RYR2: variants seen among roughly 807,000 people sequenced by gnomAD.
RYR2 encodes the protein cardiac muscle ryanodine receptor-calcium release channel.
Under a neutral mutation model 601.1 loss-of-function variants are expected in RYR2, and 227 were observed. That is an observed-to-expected ratio of 0.38 (90% CI 0.34 to 0.42). RYR2 has a LOEUF of 0.42. Ranked by LOEUF, RYR2 falls within the 10% of genes least tolerant of loss-of-function variation. The pLI is 1.00. For synonymous variants in RYR2, 2,223 were observed against 2,175.1 expected (o/e 1.02, Z -0.61); for missense variants, 4,646 against 6,156.5 (o/e 0.75, Z 8.21).
intron 1 of RYR2, among the ~76,000 whole-genome samples, chr1:237,112,531 G>A (rs1291781644): frequency 6.7e-6 from 1 of 149,838 alleles, no homozygotes; most frequent in Non-Finnish European, 1.5e-5. Context: ...TAGGCAGGGA[G>A]GAGAACTTCC....
chr1:237,445,653 C>A, intron 14 of RYR2, 131 bp downstream of exon 14: 4 of 1,070,736 alleles, frequency 3.7e-6, no homozygotes, highest in South Asian at 1.6e-5. Flanking sequence ...TCAGCAGAAA[C>A]GTTAGGAAGT....
At chr1:237,729,670 C>T (rs1690508697) in intron 76 of RYR2, among the ~76,000 whole-genome samples, 1 of 152,100 alleles carries the variant, frequency 6.6e-6, no homozygotes, top group Non-Finnish European at 1.5e-5. Flanking sequence ...TCATGAATTC[C>T]ACTGATTCTT....
chr1:237,143,613 G>C (rs1308159707), intron 1 of RYR2, among the ~76,000 whole-genome samples: 1 of 152,102 alleles, frequency 6.6e-6, no homozygotes, highest in Non-Finnish European at 1.5e-5. Flanking sequence ...TGGCCCCCTT[G>C]CTTGGTTTTC....
chr1:237,334,411 T>C (rs991849163), intron 3 of RYR2, among the ~76,000 whole-genome samples: 1 of 150,566 alleles, frequency 6.6e-6, no homozygotes, highest in Non-Finnish European at 1.5e-5. Context: ...TTCATCTAAG[T>C]GGATTTTCTA....
chr1:237,662,216 A>T (rs2148852627), intron 56 of RYR2, among the ~76,000 whole-genome samples: 1 of 152,212 alleles, frequency 6.6e-6, no homozygotes, highest in Admixed American at 6.5e-5. Context: ...GGGATGTATC[A>T]TATATGGATG....
intron 24 of RYR2, among the ~76,000 whole-genome samples, chr1:237,516,457 C>T (rs1666557995): frequency 6.6e-6 from 1 of 152,088 alleles, no homozygotes; most frequent in African/African-American, 2.4e-5. Context: ...TCTTTATGTT[C>T]AGTCCTGGGC....
At chr1:237,803,370 C>G (rs973464125) in intron 98 of RYR2, among the ~76,000 whole-genome samples, 7 of 151,914 alleles carry the variant, frequency 4.6e-5, no homozygotes, top group Admixed American at 2.0e-4. Flanking sequence ...GTGGCACACT[C>G]TCCGCTCACT....
At position 237,681,629 on chromosome 1, in the gene RYR2, C is replaced by T. The variant is rs542805001; in HGVS notation, c.9017+1052C>T. ...AAATAACAGCAGGAATCCATCCCAGCGGCGTGCTTTGTTTCCACAAATTGC... is the reference window on the plus strand; with the variant it reads ...AAATAACAGCAGGAATCCATCCCAGTGGCGTGCTTTGTTTCCACAAATTGC... On this transcript the variant is annotated intron_variant, in intron 62 of 104. Coordinates refer to ENST00000366574, the MANE Select transcript of RYR2 (RefSeq NM_001035.3). 1.1e-3 allele frequency among the ~76,000 whole-genome samples: 168 copies of T among 152,308 alleles called. 1 individual carries two copies. Among genetic ancestry groups the T allele is most frequent in the Middle Eastern group, 0.01 (3 of 294 alleles).
chr1:237,177,216 C>G (rs1678154077), intron 1 of RYR2, among the ~76,000 whole-genome samples: 1 of 152,140 alleles, frequency 6.6e-6, no homozygotes, highest in South Asian at 2.1e-4. Flanking sequence ...CAACTGTCTG[C>G]TTTGGAATGG....
intron 1 of RYR2, among the ~76,000 whole-genome samples, chr1:237,227,993 A>T (rs761244585): frequency 6.6e-6 from 1 of 150,948 alleles, no homozygotes; most frequent in Non-Finnish European, 1.5e-5. Flanking sequence ...TGATTTCCAT[A>T]GGTTTTTGGG....
intron 17 of RYR2, among the ~76,000 whole-genome samples, chr1:237,473,949 T>G (rs1661071386): frequency 6.6e-6 from 1 of 151,966 alleles, no homozygotes; most frequent in African/African-American, 2.4e-5. Context: ...CCAAATATGA[T>G]TTTACACTGT....
At chr1:237,687,054 T>A (rs557989729) in intron 62 of RYR2, among the ~76,000 whole-genome samples, 23 of 152,280 alleles carry the variant, frequency 1.5e-4, no homozygotes, top group African/African-American at 4.6e-4. Context: ...ATATATATAT[T>A]TTTTAAATCC....
intron 8 of RYR2, among the ~76,000 whole-genome samples, chr1:237,378,692 C>A (rs890162346): frequency 1.3e-5 from 2 of 152,044 alleles, no homozygotes; most frequent in African/African-American, 4.8e-5. Context: ...TAGTTGATAC[C>A]CCCTTTGTTC....
At chr1:237,158,627 A>G (rs1421341378) in intron 1 of RYR2, among the ~76,000 whole-genome samples, 1 of 152,152 alleles carries the variant, frequency 6.6e-6, no homozygotes, top group East Asian at 1.9e-4. Flanking sequence ...TAGCATTTTG[A>G]GACATTGTGC....
chr1:237,803,555 C>T (rs747102637), intron 98 of RYR2, among the ~76,000 whole-genome samples: 2 of 152,170 alleles, frequency 1.3e-5, no homozygotes, highest in African/African-American at 2.4e-5. Context: ...CCGCCTTGGC[C>T]TCCCAAAGTA....
intron 101 of RYR2, among the ~76,000 whole-genome samples, chr1:237,823,183 A>C (rs1662710761): frequency 6.6e-6 from 1 of 152,188 alleles, no homozygotes; most frequent in Non-Finnish European, 1.5e-5. Flanking sequence ...AAGCAGACCT[A>C]ACAGACATCT....
intron 1 of RYR2, among the ~76,000 whole-genome samples, chr1:237,145,892 T>C (rs1364634974): frequency 6.6e-6 from 1 of 152,218 alleles, no homozygotes; most frequent in Non-Finnish European, 1.5e-5. Context: ...CAAGGTCTAT[T>C]ATTAGTTAAA....
chr1:237,140,366 T>C (rs1673249044), intron 1 of RYR2, among the ~76,000 whole-genome samples: 1 of 152,222 alleles, frequency 6.6e-6, no homozygotes, highest in African/African-American at 2.4e-5. Context: ...ATGGAAACTT[T>C]TTATAAGGCC....
At chr1:237,592,064 A>G (rs914446666) in intron 32 of RYR2, among the ~76,000 whole-genome samples, 2 of 152,210 alleles carry the variant, frequency 1.3e-5, no homozygotes, top group Non-Finnish European at 2.9e-5. Context: ...TAGAAAAAAT[A>G]TTTGTAATGG....
Sources: gnomAD v4.1 joint callset for allele counts (sites outside exome capture counted in the v4.1 genomes callset) on GRCh38, gnomAD v4.1.1 for gene constraint, MANE v1.5 for transcripts, NCBI Gene and HGNC (gene_info 2026-07-23, HGNC 2026-07-21) for gene names.